CFAP54: variants seen among roughly 807,000 people sequenced by gnomAD.
CFAP54 encodes the protein cilia and flagella associated protein 54.
Under a neutral mutation model 370.4 loss-of-function variants are expected in CFAP54, and 290 were observed. The observed-to-expected ratio is 0.78, with a 90% confidence interval of 0.71 to 0.86. The LOEUF (loss-of-function observed/expected upper bound fraction) is 0.86, where lower values mean the gene tolerates loss of function less well. Ranked by LOEUF, CFAP54 falls within the 40% of genes least tolerant of loss-of-function variation. CFAP54 has a pLI of 0.00. For synonymous variants in CFAP54, 1,206 were observed against 1,236.5 expected, an observed-to-expected ratio of 0.98 and a Z score of 0.52; for missense variants, 3,399 against 3,528.7, an observed-to-expected ratio of 0.96 and a Z score of 0.93.
chr12:96,690,261 A>G (rs1957375103), intron 43 of CFAP54, among the ~76,000 whole-genome samples: 1 of 152,214 alleles, frequency 6.6e-6, no homozygotes, highest in Admixed American at 6.6e-5. Context: ...CAAATTTGTG[A>G]TAGTAAAAAT....
intron 65 of CFAP54, among the ~76,000 whole-genome samples, chr12:96,822,591 G>A (rs1402264706): frequency 2.6e-5 from 4 of 152,100 alleles, no homozygotes; most frequent in South Asian, 2.1e-4. Context: ...ATCAATGTAC[G>A]AGTATGGCCA....
At chr12:96,539,494 T>C (rs2136386611) in intron 13 of CFAP54, among the ~76,000 whole-genome samples, 1 of 151,644 alleles carries the variant, frequency 6.6e-6, no homozygotes, top group South Asian at 2.1e-4. Flanking sequence ...GTCAACATGG[T>C]GAAAACCCCG....
chr12:96,819,238 A>C (rs1365728280), intron 65 of CFAP54, among the ~76,000 whole-genome samples: 1 of 152,178 alleles, frequency 6.6e-6, no homozygotes, highest in Non-Finnish European at 1.5e-5. Context: ...ATGTCTCCTC[A>C]TGCCAGCATC....
intron 19 of CFAP54, among the ~76,000 whole-genome samples, chr12:96,572,408 G>A (rs1181369964): frequency 2.6e-5 from 4 of 152,020 alleles, no homozygotes; most frequent in Non-Finnish European, 4.4e-5. Context: ...ATTCTGAGGC[G>A]TGAAATAACA....
chr12:96,790,735 AC>A (rs1374939245), intron 62 of CFAP54, among the ~76,000 whole-genome samples: 2 of 152,160 alleles, frequency 1.3e-5, no homozygotes, highest in African/African-American at 4.8e-5. Context: ...TGATGATTTA[AC>A]CCTGCTAATC....
intron 9 of CFAP54, among the ~76,000 whole-genome samples, chr12:96,528,616 C>T (rs1955408047): frequency 6.6e-6 from 1 of 152,114 alleles, no homozygotes; most frequent in African/African-American, 2.4e-5. Flanking sequence ...TCAATTTCCT[C>T]CATAGATATA....
chr12:96,779,062 G>C (rs60484659), intron 60 of CFAP54, among the ~76,000 whole-genome samples: 1 of 148,030 alleles, frequency 6.8e-6, no homozygotes, highest in African/African-American at 2.5e-5. Flanking sequence ...AGCTGAGATC[G>C]TGCCATCGCA....
At chr12:96,512,965 A>G (rs1592823702) in intron 4 of CFAP54, 21 bp from the exon 5 acceptor site, 1 of 1,465,834 alleles carries the variant, frequency 6.8e-7, no homozygotes. Flanking sequence ...AAACATGTTA[A>G]CAATCGTTTT....
In CFAP54 at chr12:96,644,173, G is replaced by T. The variant is rs1305576692; in HGVS notation, c.4317-5G>T. 1 of 1,512,784 alleles carries T rather than the reference G, an allele frequency of 6.6e-7. No individual in the cohort carries two copies. The highest frequency in any genetic ancestry group is 8.8e-7 in the Non-Finnish European group (1 of 1,131,264). 93.7% of individuals were successfully genotyped at this position (1,512,784 alleles called of 1,614,324 possible). ...TAATTTCAAAACTTCTTTCTCCCTT[G>T]GCAGAAATAGGAGAACCAGTGTTAG... is the stretch of plus-strand genomic sequence containing the variant. On this transcript the variant is annotated splice_polypyrimidine_tract_variant and splice_region_variant and intron_variant, in intron 32 of 67. Transcript: ENST00000524981.
chr12:96,655,651 A>C (rs1956913379), intron 36 of CFAP54, among the ~76,000 whole-genome samples: 1 of 152,150 alleles, frequency 6.6e-6, no homozygotes, highest in African/African-American at 2.4e-5. Flanking sequence ...TGGGAACTCT[A>C]CAGGAAAACA....
chr12:96,518,321 A>G (rs1955263134), intron 5 of CFAP54, among the ~76,000 whole-genome samples: 1 of 152,210 alleles, frequency 6.6e-6, no homozygotes, highest in South Asian at 2.1e-4. Context: ...TAACAATTGT[A>G]TCATTGGAGT....
At chr12:96,648,623 C>G (rs567165809) in intron 34 of CFAP54, among the ~76,000 whole-genome samples, 1 of 144,648 alleles carries the variant, frequency 6.9e-6, no homozygotes, top group Admixed American at 7.0e-5. Context: ...CGGAGTCTCA[C>G]CCTATCACCT....
chr12:96,520,732 G>T (rs1046379691), intron 6 of CFAP54, among the ~76,000 whole-genome samples: 1 of 152,198 alleles, frequency 6.6e-6, no homozygotes, highest in Non-Finnish European at 1.5e-5. Flanking sequence ...TATGTGGGGC[G>T]TAAGCTGGAT....
chr12:96,678,815 G>A (rs1957239382), intron 39 of CFAP54, among the ~76,000 whole-genome samples: 1 of 152,126 alleles, frequency 6.6e-6, no homozygotes, highest in African/African-American at 2.4e-5. Context: ...TTTCTTGAGG[G>A]CAAAGACCAT....
Position 96,535,618 on chromosome 12 carries a change from AATAATTTT to A in CFAP54, c.1791+19_1791+26del. ...CTCCCCAGGTGAAATAGCTATTTTAAATAATTTTTATTAGTGTGGAAGGAGGTTTTTGT... is the reference window on the plus strand; with the variant it reads ...CTCCCCAGGTGAAATAGCTATTTTAATATTAGTGTGGAAGGAGGTTTTTGT... On this transcript the variant is annotated intron_variant, in intron 12 of 67. Transcript: ENST00000524981. 5 of 1,503,236 alleles carry A rather than the reference AATAATTTT, an allele frequency of 3.3e-6. No homozygotes were observed. The highest frequency in any genetic ancestry group is 4.5e-6 in the Non-Finnish European group (5 of 1,120,646). The allele number at this position is 1,503,236 out of a possible 1,614,324, so 93.1% of individuals were successfully genotyped here.
At chr12:96,790,160 C>T (rs2136699865) in intron 62 of CFAP54, among the ~76,000 whole-genome samples, 1 of 152,100 alleles carries the variant, frequency 6.6e-6, no homozygotes, top group East Asian at 1.9e-4. Flanking sequence ...AAAAATTTCC[C>T]AAAAAGAATA....
chr12:96,519,418 C>T (rs575193235), intron 6 of CFAP54, among the ~76,000 whole-genome samples: 21 of 152,048 alleles, frequency 1.4e-4, no homozygotes, highest in Non-Finnish European at 2.2e-4. Flanking sequence ...TAAAATAGAG[C>T]GTATCCAGCA....
chr12:96,805,803 A>G (rs1958871507), intron 63 of CFAP54, among the ~76,000 whole-genome samples: 1 of 152,136 alleles, frequency 6.6e-6, no homozygotes, highest in Non-Finnish European at 1.5e-5. Flanking sequence ...TGTTTATTGC[A>G]TCACTATTTA....
At chr12:96,719,888 T>C (rs971690318) in intron 49 of CFAP54, among the ~76,000 whole-genome samples, 1 of 152,216 alleles carries the variant, frequency 6.6e-6, no homozygotes, top group Non-Finnish European at 1.5e-5. Flanking sequence ...AGAAGCTATG[T>C]GTGTTAGATA....
Sources: gnomAD v4.1 joint callset for allele counts (sites outside exome capture counted in the v4.1 genomes callset) on GRCh38, gnomAD v4.1.1 for gene constraint, MANE v1.5 for transcripts, NCBI Gene and HGNC (gene_info 2026-07-23, HGNC 2026-07-21) for gene names.